The following GABPB2 variants were observed in gnomAD, a reference collection of about 807,000 sequenced individuals.
The protein encoded by GABPB2 is GA binding protein transcription factor subunit beta 2, also known as GA-binding protein subunit beta-2.
Under a neutral mutation model 39.1 loss-of-function variants are expected in GABPB2, and 23 were observed. The observed-to-expected ratio is 0.59, with a 90% CI of 0.42 to 0.83. GABPB2 has a LOEUF of 0.83. Among genes scored for constraint, GABPB2 ranks in the 40% least tolerant of loss-of-function variants. The pLI, the probability that GABPB2 is intolerant of heterozygous loss-of-function variation, is 0.00. For synonymous variants in GABPB2, 184 were observed against 199.3 expected, an observed-to-expected ratio of 0.92 and a Z score of 0.65; for missense variants, 467 against 541.1, an observed-to-expected ratio of 0.86 and a Z score of 1.36.
At chr1:151,087,369 G>A (rs587623790) in intron 1 of GABPB2, among the ~76,000 whole-genome samples, 9 of 152,060 alleles carry the variant, frequency 5.9e-5, no homozygotes, top group South Asian at 2.1e-4. Flanking sequence ...AGTTTGGGCC[G>A]GGCGCAGTGG....
At chr1:151,108,765 A>G (rs1680161195) in intron 7 of GABPB2, among the ~76,000 whole-genome samples, 1 of 152,124 alleles carries the variant, frequency 6.6e-6, no homozygotes, top group Admixed American at 6.6e-5. Context: ...AGGCTTTTCA[A>G]TGTATATGCT....
chr1:151,104,751 A>G (rs587732452), intron 6 of GABPB2, among the ~76,000 whole-genome samples: 36 of 121,022 alleles, frequency 3.0e-4, no homozygotes, highest in Non-Finnish European at 6.1e-4. Flanking sequence ...GCAAAGTTCT[A>G]TCTGTGACTC....
rs751494383 is a variant in GABPB2 at position 151,118,251 on chromosome 1, T to C, written c.1342T>C (p.Ser448Pro). The change falls in exon 9 of 9, where the codon TCT becomes CCT. Residue 448 changes from serine (S) to proline (P), a missense_variant. By Grantham distance (74) the Ser-to-Pro change is moderately conservative (BLOSUM62 -1). Transcript: ENST00000368918. ...TAGAGTTTCCATGGCAACTGTTTCA[T>C]CTTAATATGCAAGGGCCACAATTTG... ...HTRVSMATVS[S>P] is the part of the protein sequence containing the mutation. 6.2e-7 allele frequency: 1 copy of C among 1,611,496 alleles called. No homozygotes were observed. Among genetic ancestry groups the C allele is most frequent in the South Asian group, 1.1e-5 (1 of 90,992 alleles).
chr1:151,101,851 A>T (rs753590818), intron 5 of GABPB2, among the ~76,000 whole-genome samples: 2 of 152,206 alleles, frequency 1.3e-5, no homozygotes, highest in Non-Finnish European at 2.9e-5. Context: ...TTTATACAAA[A>T]CTGTTGAGTA....
chr1:151,073,982 T>TC (rs1345156858), intron 1 of GABPB2, among the ~76,000 whole-genome samples: 2 of 148,168 alleles, frequency 1.3e-5, no homozygotes, highest in Admixed American at 6.7e-5. Context: ...GTTATTTCTT[T>TC]TTTTTTTTTT....
At chr1:151,099,100 AAG>A (rs1679327426) in intron 5 of GABPB2, among the ~76,000 whole-genome samples, 1 of 151,396 alleles carries the variant, frequency 6.6e-6, no homozygotes, top group Non-Finnish European at 1.5e-5. Flanking sequence ...AAAAAAAAAA[AAG>A]AAAGAAAGAA....
At chr1:151,104,535 T>C (rs1347654167) in intron 6 of GABPB2, among the ~76,000 whole-genome samples, 2 of 152,372 alleles carry the variant, frequency 1.3e-5, no homozygotes, top group African/African-American at 4.8e-5. Context: ...TGCTATTCTT[T>C]TGCTTTGCTC....
rs587663772 is a variant in GABPB2, at chr1:151,093,308, T to C, written c.393T>C (p.His131=). ...TTATCAAATATGGAGCTGATGTCCA[T>C]GCTTTCAGCAAATTTGATAAATCAG... ...ELLIKYGADV[H]AFSKFDKSAF... Residue 131 remains histidine (H), a synonymous_variant, in exon 4 of 9, where the codon CAT becomes CAC. Transcript: ENST00000368918. 2 of 1,612,584 alleles carry C rather than the reference T, an allele frequency of 1.2e-6. No individual in the cohort carries two copies. Among genetic ancestry groups the C allele is most frequent in the East Asian group, 2.2e-5 (1 of 44,762 alleles).
At chr1:151,100,307 G>A (rs1188874673) in intron 5 of GABPB2, among the ~76,000 whole-genome samples, 3 of 151,876 alleles carry the variant, frequency 2.0e-5, no homozygotes, top group Non-Finnish European at 4.4e-5. Context: ...ACCATGCCTG[G>A]CTAATTTTTG....
At chr1:151,116,021 T>A (rs1680834559) in intron 7 of GABPB2, among the ~76,000 whole-genome samples, 1 of 150,990 alleles carries the variant, frequency 6.6e-6, no homozygotes, top group Admixed American at 6.6e-5. Flanking sequence ...GAGAATTGCT[T>A]GAACCCAGGA....
In GABPB2 at chr1:151,081,779, C is replaced by T. The variant is rs587609709; in HGVS notation, c.1-6411C>T. On this transcript the variant is annotated intron_variant, in intron 1 of 8. Coordinates refer to ENST00000368918, the MANE Select transcript of GABPB2 (RefSeq NM_144618.3). The stretch of plus-strand genomic sequence containing the variant: ...CCTCCCGAGTAGCTGAGACTGCAGA[C>T]GTGCACCACCATGCCCAGCTAATTC... Among the ~76,000 whole-genome samples the T allele has an allele frequency of 4.6e-5, 7 of 152,022 alleles. No individual in the cohort carries two copies. In the South Asian group the frequency reaches 1.0e-3, roughly 23 times the overall value.
intron 2 of GABPB2, among the ~76,000 whole-genome samples, chr1:151,088,836 T>A (rs866422502): frequency 6.6e-6 from 1 of 152,098 alleles, no homozygotes; most frequent in Non-Finnish European, 1.5e-5. Flanking sequence ...CCGTTTCTAC[T>A]AAAAATACAA....
chr1:151,117,843 C>A, intron 8 of GABPB2, 114 bp from the exon 9 acceptor site: 1 of 1,051,750 alleles, frequency 9.5e-7, no homozygotes, highest in Non-Finnish European at 1.4e-6. Context: ...CTCTGCCTCC[C>A]AAAGTGCTTG....
At chr1:151,113,250 T>C (rs587755783) in intron 7 of GABPB2, among the ~76,000 whole-genome samples, 97 of 151,684 alleles carry the variant, frequency 6.4e-4, no homozygotes, top group Non-Finnish European at 1.1e-3. Flanking sequence ...GGACAGATCA[T>C]GAGGTCAGGA....
chr1:151,092,164 T>TGG, intron 3 of GABPB2, among the ~76,000 whole-genome samples: 1 of 135,968 alleles, frequency 7.4e-6, no homozygotes, highest in Non-Finnish European at 1.5e-5. Flanking sequence ...TGGAGTGCAG[T>TGG]GGCGCAATAC....
chr1:151,111,453 C>G (rs1280131610), intron 7 of GABPB2, among the ~76,000 whole-genome samples: 1 of 138,046 alleles, frequency 7.2e-6, no homozygotes, highest in Non-Finnish European at 1.6e-5. Context: ...GACAGAGTCT[C>G]GCTCTGTCAC....
At position 151,090,519 on chromosome 1, in the gene GABPB2, C is replaced by G. The variant is rs1678579050; in HGVS notation, c.222C>G (p.Pro74=). 8.7e-6 allele frequency: 14 copies of G among 1,614,108 alleles called. No homozygotes were observed. Among genetic ancestry groups the G allele is most frequent in the Non-Finnish European group, 1.2e-5 (14 of 1,180,000 alleles). Residue 74 remains proline, a synonymous_variant, in exon 3 of 9, where the codon CCC becomes CCG. Coordinates refer to ENST00000368918, the MANE Select transcript of GABPB2 (RefSeq NM_144618.3). ...RDARTKVDRT[P]LHMAAADGHA... The stretch of plus-strand genomic sequence containing the variant: ...CCCGGACTAAAGTAGACAGGACCCC[C>G]TTGCACATGGCTGCAGCCGATGGAC...
intron 1 of GABPB2, among the ~76,000 whole-genome samples, chr1:151,083,822 A>G (rs1028070294): frequency 1.3e-5 from 2 of 150,138 alleles, no homozygotes; most frequent in South Asian, 4.2e-4. Context: ...GCTCACTGCA[A>G]CCTCCACCTC....
intron 7 of GABPB2, among the ~76,000 whole-genome samples, chr1:151,116,461 TTG>T (rs1680881061): frequency 6.6e-6 from 1 of 151,246 alleles, no homozygotes; most frequent in Non-Finnish European, 1.5e-5. Flanking sequence ...GTCATGTGTG[TTG>T]TGTGTGTGTT....
Sources: gnomAD v4.1 joint callset for allele counts (sites outside exome capture counted in the v4.1 genomes callset) on GRCh38, gnomAD v4.1.1 for gene constraint, MANE v1.5 for transcripts, NCBI Gene and HGNC (gene_info 2026-07-23, HGNC 2026-07-21) for gene names.